The following CKAP5 variants were observed in gnomAD, a reference collection of about 807,000 sequenced individuals.
CKAP5 encodes cytoskeleton-associated protein 5.
A neutral mutation model predicts 232.8 loss-of-function variants in CKAP5; 27 were observed. The observed-to-expected ratio is 0.12, with a 90% CI of 0.09 to 0.16. CKAP5 has a LOEUF of 0.16. CKAP5 is among the 10% of genes least tolerant of loss of function. The pLI, the probability that CKAP5 is intolerant of heterozygous loss-of-function variation, is 1.00. For missense variants in CKAP5, 1,838 were observed against 2,424.7 expected (o/e 0.76, Z 5.08); for synonymous variants, 785 against 841.1 (o/e 0.93, Z 1.16).
rs780895534 is a variant in CKAP5, at chr11:46,762,991, G to C, written c.3876C>G (p.Pro1292=). The C allele has an allele frequency of 6.2e-7, 1 of 1,613,478 alleles. No homozygotes were observed. The part of the protein sequence containing the change: ...LTENEASSFI[P]YLVVKVGEPK... Reference sequence around the variant, plus strand: ...ACCACATTACCTTGACGACAAGATAGGGGATGAAGGAAGATGCTTCATTCT... The same window carrying C: ...ACCACATTACCTTGACGACAAGATACGGGATGAAGGAAGATGCTTCATTCT... The change falls in exon 30 of 44, where the codon CCC becomes CCG. Residue 1292 remains proline, a synonymous_variant. Coordinates refer to ENST00000529230, the MANE Select transcript of CKAP5 (RefSeq NM_001008938.4).
chr11:46,766,715 C>A (rs1421992545), intron 27 of CKAP5, among the ~76,000 whole-genome samples: 2 of 152,120 alleles, frequency 1.3e-5, no homozygotes, highest in Admixed American at 6.5e-5. Flanking sequence ...TTATTAATCT[C>A]AATCTTGATA....
Position 46,744,005 on chromosome 11 carries a change from CG to C in CKAP5, c.*17del. The C allele has an allele frequency of 6.2e-7, 1 of 1,612,010 alleles. No individual in the cohort carries two copies. Among genetic ancestry groups the C allele is most frequent in the Non-Finnish European group, 8.5e-7 (1 of 1,179,930 alleles). On this transcript the variant is annotated 3_prime_UTR_variant, in exon 44 of 44. Coordinates refer to ENST00000529230, the MANE Select transcript of CKAP5 (RefSeq NM_001008938.4). ...TTAGTAAACTAAAGCTGCAGGGTGC[CG>C]GGGGAGTGGGGCAGCTTCATTTGCG...
rs181989548 is a variant in CKAP5, at chr11:46,745,845, G to A, written c.5705-1268C>T. Among the ~76,000 whole-genome samples the A allele has an allele frequency of 1.5e-3, 222 of 152,068 alleles. 1 individual carries two copies. Among genetic ancestry groups the A allele is most frequent in the African/African-American group, 4.9e-3 (205 of 41,460 alleles). Reference sequence around the variant, plus strand: ...CACACACCTATAATCCCAGCTACTCGGGAGGCCAAGACATGAGAATCACTT... The same window carrying A: ...CACACACCTATAATCCCAGCTACTCAGGAGGCCAAGACATGAGAATCACTT... On this transcript the variant is annotated intron_variant, in intron 42 of 43. Coordinates refer to ENST00000529230, the MANE Select transcript of CKAP5 (RefSeq NM_001008938.4).
rs1278475914 is a variant in CKAP5, at chr11:46,760,750, C to T, written c.4256G>A (p.Arg1419Lys). The change falls in exon 33 of 44, where the codon AGG becomes AAG. Residue 1419 changes from arginine to lysine, a missense_variant. Transcript: ENST00000529230. ...SEKDMSMLEE[R>K]IKRSAKRPSA... ...GGGTCTCTTTGCTGACCGCTTAATC[C>T]TCTCCTCGAGCATGCTCATATCCTT... 6.2e-7 allele frequency: 1 copy of T among 1,614,200 alleles called. No individual in the cohort carries two copies. Among genetic ancestry groups the T allele is most frequent in the Admixed American group, 1.7e-5 (1 of 60,020 alleles).
intron 10 of CKAP5, 45 bp downstream of exon 10, chr11:46,798,038 A>C: frequency 6.2e-7 from 1 of 1,604,602 alleles, no homozygotes; most frequent in Non-Finnish European, 8.5e-7. Context: ...TTATATTTAC[A>C]AACTTTACTT....
Position 46,777,572 on chromosome 11 carries a change from A to G in CKAP5, c.2749-20T>C, listed in dbSNP as rs758378820. 6.6e-7 allele frequency: 1 copy of G among 1,511,924 alleles called. No homozygotes were observed. The highest frequency in any genetic ancestry group is 9.2e-7 in the Non-Finnish European group (1 of 1,087,374). 93.7% of individuals were successfully genotyped at this position (1,511,924 alleles called of 1,614,324 possible). On this transcript the variant is annotated intron_variant, in intron 22 of 43. Coordinates refer to ENST00000529230, the MANE Select transcript of CKAP5 (RefSeq NM_001008938.4). ...CTGTACCTGAGTGGAAAGAGCCAAT[A>G]CTTTATGTTGAAACGATAAGCAAGT...
chr11:46,816,463 C>T, intron 3 of CKAP5, 59 bp from the exon 4 acceptor site: 1 of 1,357,190 alleles, frequency 7.4e-7, no homozygotes, highest in Non-Finnish European at 1.1e-6. Flanking sequence ...GGAAAAAGGT[C>T]ACGGAAAGGG....
intron 11 of CKAP5, 24 bp from the exon 12 acceptor site, chr11:46,796,964 T>C: frequency 1.2e-6 from 2 of 1,611,966 alleles, no homozygotes; most frequent in Non-Finnish European, 1.7e-6. Flanking sequence ...GTAAGCAAAA[T>C]GATATTAATG....
intron 15 of CKAP5, 139 bp from the exon 16 acceptor site, chr11:46,788,912 T>C (rs905184183): frequency 1.1e-5 from 7 of 637,916 alleles, no homozygotes; most frequent in African/African-American, 7.6e-5. Context: ...AGGGAGCTTA[T>C]ATAGCTTCCG....
rs1262196109 is a variant in CKAP5 at position 46,780,256 on chromosome 11, G to A, written c.2371C>T (p.Arg791Ter). The A allele has an allele frequency of 1.2e-6, 2 of 1,613,892 alleles. No homozygotes were observed. The highest frequency in any genetic ancestry group is 1.6e-4 in the Middle Eastern group (1 of 6,062). ...VMYLYVGPSL[R>*]MFFEDEKPAL... ...GGCTTCTCATCCTCAAAGAACATTCGCAAAGAGGGACCAACATACAGATAC... is the reference window on the plus strand; with the variant it reads ...GGCTTCTCATCCTCAAAGAACATTCACAAAGAGGGACCAACATACAGATAC... The change falls in exon 20 of 44, where the codon CGA becomes TGA. Residue 791 changes from arginine to a stop codon, truncating the protein, a stop_gained. Coordinates refer to ENST00000529230, the MANE Select transcript of CKAP5 (RefSeq NM_001008938.4). LOFTEE classifies it high-confidence loss of function.
Position 46,760,411 on chromosome 11 carries a change from C to T in CKAP5, c.4394+201G>A, listed in dbSNP as rs777740097. 4.3e-6 allele frequency: 3 copies of T among 690,346 alleles called. No homozygotes were observed. In the African/African-American group the frequency reaches 5.3e-5, roughly 12 times the overall value. The allele number at this position is 690,346 out of a possible 1,614,324, so 42.8% of individuals were successfully genotyped here. A position where few individuals can be genotyped will look rare whatever the true frequency, so the allele number is the denominator to read the frequency against. On this transcript the variant is annotated intron_variant, in intron 33 of 43. Transcript: ENST00000529230. ...AAAAGCAGTGAAAGAAGGCACAAGACCATTTAGAAGTGGTTTTGAGACAAA... is the reference window on the plus strand; with the variant it reads ...AAAAGCAGTGAAAGAAGGCACAAGATCATTTAGAAGTGGTTTTGAGACAAA...
intron 1 of CKAP5, among the ~76,000 whole-genome samples, chr11:46,825,696 TCTG>T (rs1939635979): frequency 6.6e-6 from 1 of 151,956 alleles, no homozygotes; most frequent in African/African-American, 2.4e-5. Context: ...GAGAAAAACT[TCTG>T]CTCCATCAAA....
chr11:46,771,311 C>T (rs1191245150), intron 24 of CKAP5, among the ~76,000 whole-genome samples: 1 of 152,154 alleles, frequency 6.6e-6, no homozygotes, highest in African/African-American at 2.4e-5. Context: ...AGACCCAAAG[C>T]ACTTATTGTG....
intron 1 of CKAP5, among the ~76,000 whole-genome samples, chr11:46,829,826 T>C (rs1408042229): frequency 1.4e-5 from 2 of 140,380 alleles, no homozygotes; most frequent in Non-Finnish European, 3.1e-5. Context: ...TGAAGTCTAA[T>C]TCCTTTTTTG....
chr11:46,780,135 T>G, intron 20 of CKAP5, 59 bp downstream of exon 20: 2 of 1,582,698 alleles, frequency 1.3e-6, no homozygotes, highest in Non-Finnish European at 1.7e-6. Flanking sequence ...ACCCAACAGT[T>G]TAGTCTTAAT....
chr11:46,770,720 T>C (rs1338344552), intron 25 of CKAP5, 68 bp downstream of exon 25: 4 of 1,451,216 alleles, frequency 2.8e-6, no homozygotes, highest in Non-Finnish European at 3.8e-6. Context: ...TGAGCCACCG[T>C]GCCAGGCCCA....
chr11:46,769,883 A>T (rs1467050810), intron 26 of CKAP5, 80 bp downstream of exon 26: 6 of 1,483,618 alleles, frequency 4.0e-6, no homozygotes, highest in Non-Finnish European at 4.7e-6. Context: ...AATGTGATTT[A>T]AAAAAGACAA....
In CKAP5 at chr11:46,816,228, G is replaced by T; in HGVS notation, c.428C>A (p.Ala143Asp). 1.2e-6 allele frequency: 2 copies of T among 1,614,000 alleles called. No individual in the cohort carries two copies. Among genetic ancestry groups the T allele is most frequent in the Non-Finnish European group, 1.7e-6 (2 of 1,179,972 alleles). ...LDNKNPKIIV[A>D]CIETLRKALS... ...GGCTTTCCTCAGTGTCTCTATACAG[G>T]CCACTATGATCTTGGGATTCTTATT... Residue 143 changes from alanine to aspartate, a missense_variant, in exon 4 of 44, where the codon GCC becomes GAC. Ala to Asp is a moderately radical substitution (Grantham distance 126, BLOSUM62 -2). This residue lies in a region of CKAP5 where 285 missense variants were observed against 300.0 expected (regional missense o/e 0.95). Transcript: ENST00000529230.
intron 1 of CKAP5, among the ~76,000 whole-genome samples, chr11:46,831,978 C>T (rs74851869): frequency 0.037 from 5,588 of 150,448 alleles, 348 homozygotes; most frequent in African/African-American, 0.13. Flanking sequence ...AAAACTTCTG[C>T]CTCAGCATCT....
Sources: gnomAD v4.1 joint callset for allele counts (sites outside exome capture counted in the v4.1 genomes callset) on GRCh38, gnomAD v4.1.1 for gene constraint, gnomAD v4.1.1 regional missense constraint, MANE v1.5 for transcripts, NCBI Gene and HGNC (gene_info 2026-07-23, HGNC 2026-07-21) for gene names.